The following RASGEF1C variants were observed in gnomAD, a reference collection of about 807,000 sequenced individuals.
The protein encoded by RASGEF1C is RasGEF domain family member 1C.
RASGEF1C carries 27 observed loss-of-function variants against 58.1 expected under a neutral mutation model. That is an observed-to-expected ratio of 0.46 (90% CI 0.34 to 0.64). RASGEF1C has a LOEUF of 0.64. RASGEF1C is among the 30% of genes least tolerant of loss of function. RASGEF1C has a pLI of 0.01. For missense variants in RASGEF1C, 502 were observed against 605.1 expected (o/e 0.83, Z 1.79); for synonymous variants, 243 against 246.3 (o/e 0.99, Z 0.13).
chr5:180,120,707 C>A (rs952791768), intron 7 of RASGEF1C, among the ~76,000 whole-genome samples: 2 of 152,326 alleles, frequency 1.3e-5, no homozygotes, highest in East Asian at 3.9e-4. Flanking sequence ...CCTCTAGGTC[C>A]CGAGCCAGCC....
rs879266867 is a variant in RASGEF1C at position 180,205,705 on chromosome 5, CATT to C, written c.-7+3320_-7+3322del. ...TGGTCTTGAATAAAGTCCTCTTTGC[CATT>C]ATTATAATATTATTATTATTATTAT... On this transcript the variant is annotated intron_variant, in intron 1 of 13. Coordinates refer to ENST00000361132, the MANE Select transcript of RASGEF1C (RefSeq NM_175062.4). 8.1e-5 allele frequency among the ~76,000 whole-genome samples: 9 copies of C among 111,486 alleles called. No homozygotes were observed. The Admixed American group carries it at 9.1e-4, about 11-fold the overall frequency. The allele number at this position is 111,486 out of a possible 152,430, so 73.1% of individuals were successfully genotyped here.
intron 10 of RASGEF1C, 85 bp downstream of exon 10, chr5:180,118,524 G>C: frequency 8.2e-7 from 1 of 1,224,872 alleles, no homozygotes; most frequent in Middle Eastern, 2.8e-4. Flanking sequence ...ATGCTGCAGG[G>C]GGCAGGAGCT....
intron 1 of RASGEF1C, among the ~76,000 whole-genome samples, chr5:180,203,659 T>C (rs909043027): frequency 2.0e-5 from 3 of 148,026 alleles, no homozygotes; most frequent in Non-Finnish European, 4.5e-5. Context: ...AGGTCAATGA[T>C]AACTTAGTAC....
chr5:180,139,301 G>A (rs1247603167), intron 1 of RASGEF1C, among the ~76,000 whole-genome samples: 1 of 152,218 alleles, frequency 6.6e-6, no homozygotes, highest in Non-Finnish European at 1.5e-5. Flanking sequence ...GTGGAGTCCT[G>A]CCAGCTCACT....
intron 12 of RASGEF1C, among the ~76,000 whole-genome samples, chr5:180,110,287 A>G (rs1022692448): frequency 2.6e-5 from 4 of 152,016 alleles, no homozygotes; most frequent in African/African-American, 9.7e-5. Flanking sequence ...GTGGCTACAG[A>G]TAGGGGTGAA....
chr5:180,176,724 T>C (rs1388143622), intron 1 of RASGEF1C, among the ~76,000 whole-genome samples: 2 of 151,868 alleles, frequency 1.3e-5, no homozygotes, highest in African/African-American at 4.8e-5. Context: ...GCCCGGCTAA[T>C]TTTTTGTATT....
intron 10 of RASGEF1C, among the ~76,000 whole-genome samples, chr5:180,114,905 C>T (rs1409846815): frequency 6.6e-6 from 1 of 152,388 alleles, no homozygotes; most frequent in Non-Finnish European, 1.5e-5. Flanking sequence ...CCACTACCCC[C>T]ATCCCCATCC....
At chr5:180,154,170 A>AC (rs1486779289) in intron 1 of RASGEF1C, among the ~76,000 whole-genome samples, 1 of 151,956 alleles carries the variant, frequency 6.6e-6, no homozygotes, top group Non-Finnish European at 1.5e-5. Context: ...GGACAGGTCT[A>AC]CCCCCTGGGC....
rs755521241 is a variant in RASGEF1C at position 180,152,911 on chromosome 5, C to CAAA, written c.-6-14856_-6-14854dup. Among the ~76,000 whole-genome samples the CAAA allele has an allele frequency of 6.0e-3, 427 of 71,628 alleles. 9 individuals are homozygous for CAAA. The highest frequency in any genetic ancestry group is 0.021 in the African/African-American group (398 of 18,912). The allele number at this position is 71,628 out of a possible 152,430, so 47.0% of individuals were successfully genotyped here. A position where few individuals can be genotyped will look rare whatever the true frequency, so the allele number is the denominator to read the frequency against. On this transcript the variant is annotated intron_variant, in intron 1 of 13. Coordinates refer to ENST00000361132, the MANE Select transcript of RASGEF1C (RefSeq NM_175062.4). ...GGGCAACAAGAGCAAAACCCCATCT[C>CAAA]AAAAAAAAAAAAAAAAAAAAAAAGT...
At chr5:180,208,696 G>A (rs946357251) in intron 1 of RASGEF1C, among the ~76,000 whole-genome samples, 3 of 152,022 alleles carry the variant, frequency 2.0e-5, no homozygotes, top group Non-Finnish European at 4.4e-5. Flanking sequence ...GCGGGTGGAG[G>A]CTTTGGTCTA....
At chr5:180,180,942 C>T (rs1216732450) in intron 1 of RASGEF1C, among the ~76,000 whole-genome samples, 4 of 152,236 alleles carry the variant, frequency 2.6e-5, no homozygotes, top group African/African-American at 7.2e-5. Context: ...GCATACAGCA[C>T]TATCAATCAA....
intron 1 of RASGEF1C, among the ~76,000 whole-genome samples, chr5:180,176,691 G>A (rs1459544526): frequency 1.3e-5 from 2 of 151,968 alleles, no homozygotes; most frequent in African/African-American, 4.8e-5. Context: ...CGAGTAGCTG[G>A]GACTATAGGC....
Position 180,101,396 on chromosome 5 carries a change from A to G in RASGEF1C, c.*105T>C. On this transcript the variant is annotated 3_prime_UTR_variant, in exon 14 of 14. Coordinates refer to ENST00000361132, the MANE Select transcript of RASGEF1C (RefSeq NM_175062.4). ...AGCAGGCCACAGGGTCGGCATTTGC[A>G]AAATAGTGAGGCACTCCCTGGCCTC... The G allele has an allele frequency of 7.0e-7, 1 of 1,432,936 alleles. No homozygotes were observed. Among genetic ancestry groups the G allele is most frequent in the Non-Finnish European group, 9.6e-7 (1 of 1,041,378 alleles). The allele number at this position is 1,432,936 out of a possible 1,614,324, so 88.8% of individuals were successfully genotyped here.
chr5:180,160,749 C>T (rs10077711), intron 1 of RASGEF1C, among the ~76,000 whole-genome samples: 23,578 of 152,134 alleles, frequency 0.15, 1,964 homozygotes, highest in African/African-American at 0.18. Flanking sequence ...AAGGGTCTCA[C>T]ATCAGCAAGA....
chr5:180,159,778 T>C (rs1328396023), intron 1 of RASGEF1C, among the ~76,000 whole-genome samples: 1 of 152,234 alleles, frequency 6.6e-6, no homozygotes, highest in African/African-American at 2.4e-5. Context: ...CTTGCTTTCA[T>C]TTTGTTTGTT....
At chr5:180,174,755 A>G (rs62406136) in intron 1 of RASGEF1C, among the ~76,000 whole-genome samples, 21,349 of 152,148 alleles carry the variant, frequency 0.14, 1,562 homozygotes, top group East Asian at 0.21. Flanking sequence ...CAGCATGCGC[A>G]CAGATCGCAC....
chr5:180,138,379 AAGCCTGGATAATC>A, intron 1 of RASGEF1C: 1 of 241,250 alleles, frequency 4.1e-6, no homozygotes, highest in Non-Finnish European at 7.9e-6. Flanking sequence ...TGTTTTTCAC[AAGCCTGGATAATC>A]AGCCTAATCC....
At chr5:180,136,833 C>T in intron 3 of RASGEF1C, 1 of 370,560 alleles carries the variant, frequency 2.7e-6, no homozygotes, top group Non-Finnish European at 4.9e-6. Context: ...GGGTCTAGGT[C>T]TGTGCCGACC....
chr5:180,115,323 C>T (rs1459099846), intron 10 of RASGEF1C: 1 of 430,574 alleles, frequency 2.3e-6, no homozygotes, highest in Admixed American at 2.9e-5. Flanking sequence ...CAATTTGTCC[C>T]CCTCTGTCTT....
Sources: allele counts gnomAD v4.1 joint callset (sites outside exome capture counted in the v4.1 genomes callset), GRCh38; gene constraint gnomAD v4.1.1; transcripts MANE v1.5; gene names NCBI Gene and HGNC (gene_info 2026-07-23, HGNC 2026-07-21).